Variants in PRUNE2 observed in about 807,000 individuals in gnomAD.
PRUNE2 encodes protein prune homolog 2.
A neutral mutation model predicts 252.0 loss-of-function variants in PRUNE2; 164 were observed. That is an observed-to-expected ratio of 0.65 (90% CI 0.57 to 0.74). The LOEUF (loss-of-function observed/expected upper bound fraction) is 0.74, where lower values mean the gene tolerates loss of function less well. Ranked by LOEUF, PRUNE2 falls within the 30% of genes least tolerant of loss-of-function variation. PRUNE2 has a pLI of 0.00. For synonymous variants in PRUNE2, 1,292 were observed against 1,350.2 expected, an observed-to-expected ratio of 0.96 and a Z score of 0.94; for missense variants, 3,495 against 3,711.0, an observed-to-expected ratio of 0.94 and a Z score of 1.51.
In PRUNE2 at chr9:76,768,897, G is replaced by A. The variant is rs868253214; in HGVS notation, c.756+54735C>T. 4.6e-5 allele frequency among the ~76,000 whole-genome samples: 7 copies of A among 152,000 alleles called. 1 individual carries two copies. The highest frequency in any genetic ancestry group is 1.0e-4 in the Non-Finnish European group (7 of 68,000). ...TTGCATAATTCCTACCACCAAAAACGCTGTACTTTATAAAAAATTTAAATT... is the reference window on the plus strand; with the variant it reads ...TTGCATAATTCCTACCACCAAAAACACTGTACTTTATAAAAAATTTAAATT... On this transcript the variant is annotated intron_variant, in intron 6 of 18. Transcript: ENST00000376718.
intron 12 of PRUNE2, among the ~76,000 whole-genome samples, chr9:76,640,930 T>A (rs1842319804): frequency 6.6e-6 from 1 of 152,238 alleles, no homozygotes; most frequent in Non-Finnish European, 1.5e-5. Context: ...TTCAAGATCA[T>A]GACCACTCAG....
chr9:76,731,324 A>ATATATTTT (rs1332074252), intron 6 of PRUNE2, among the ~76,000 whole-genome samples: 7 of 106,796 alleles, frequency 6.6e-5, no homozygotes, highest in African/African-American at 2.1e-4. Flanking sequence ...ATATATATAT[A>ATATATTTT]TTTTTTTTTT....
At chr9:76,677,662 C>G (rs1316905238) in intron 9 of PRUNE2, among the ~76,000 whole-genome samples, 1 of 152,180 alleles carries the variant, frequency 6.6e-6, no homozygotes, top group Non-Finnish European at 1.5e-5. Flanking sequence ...GTCCATTGTT[C>G]CTCATTTTCC....
At position 76,873,286 on chromosome 9, in the gene PRUNE2, C is replaced by T. The variant is rs115321194; in HGVS notation, c.37-19078G>A. Among the ~76,000 whole-genome samples, 420 of 152,220 alleles carry T rather than the reference C, an allele frequency of 2.8e-3. 3 individuals are homozygous for T. The highest frequency in any genetic ancestry group is 9.6e-3 in the African/African-American group (398 of 41,536). On this transcript the variant is annotated intron_variant, in intron 1 of 18. Coordinates refer to ENST00000376718, the MANE Select transcript of PRUNE2 (RefSeq NM_015225.3). ...TCATAGGTCCACTGAGGATTAATTA[C>T]GCAATTTTTTCCACTTTTGTATATG...
In PRUNE2 at chr9:76,706,044, G is replaced by A. The variant is rs1159668307; in HGVS notation, c.6230C>T (p.Pro2077Leu). The change falls in exon 8 of 19, where the codon CCC becomes CTC. Residue 2077 changes from proline to leucine, a missense_variant. By Grantham distance (98) the Pro-to-Leu change is moderately conservative. Transcript: ENST00000376718. ...CTCACCATCTGCTTTCAAACTGAAG[G>A]GCTTCTTAGCATCTATCCACAAGTC... Reference protein sequence around the residue: ...APDLWIDAKKPFSLKADGENP... With the variant: ...APDLWIDAKKLFSLKADGENP... The A allele has an allele frequency of 1.9e-6, 3 of 1,613,852 alleles. No individual in the cohort carries two copies. Among genetic ancestry groups the A allele is most frequent in the Admixed American group, 3.3e-5 (2 of 60,002 alleles).
At chr9:76,847,521 TTAGTGAGTAGACTAGCTGGTAGAC>T (rs2059733709) in intron 3 of PRUNE2, among the ~76,000 whole-genome samples, 1 of 152,052 alleles carries the variant, frequency 6.6e-6, no homozygotes, top group South Asian at 2.1e-4. Flanking sequence ...CGTCACACAT[TTAGTGAGTAGACTAGCTGGTAGAC>T]TAGTGAGTAG....
chr9:76,867,638 G>A (rs2060924725), intron 1 of PRUNE2, among the ~76,000 whole-genome samples: 1 of 152,050 alleles, frequency 6.6e-6, no homozygotes, highest in African/African-American at 2.4e-5. Flanking sequence ...GCACAATCTC[G>A]GCTCACTGCA....
chr9:76,779,466 T>C (rs1425003599), intron 6 of PRUNE2, among the ~76,000 whole-genome samples: 1 of 152,198 alleles, frequency 6.6e-6, no homozygotes, highest in Non-Finnish European at 1.5e-5. Flanking sequence ...GATGCACTTA[T>C]GAAAAATGGT....
chr9:76,815,885 G>A (rs1233308085), intron 6 of PRUNE2, among the ~76,000 whole-genome samples: 1 of 152,126 alleles, frequency 6.6e-6, no homozygotes, highest in Non-Finnish European at 1.5e-5. Flanking sequence ...ATTCTGCCAG[G>A]TGCGGTGGCT....
chr9:76,644,837 TC>T lies in PRUNE2; in HGVS notation c.8629del (p.Glu2877ArgfsTer20). 1 of 1,613,928 alleles carries T rather than the reference TC, an allele frequency of 6.2e-7. No homozygotes were observed. The highest frequency in any genetic ancestry group is 8.5e-7 in the Non-Finnish European group (1 of 1,179,850). On this transcript the variant is annotated frameshift_variant, in exon 12 of 19. Coordinates refer to ENST00000376718, the MANE Select transcript of PRUNE2 (RefSeq NM_015225.3). LOFTEE classifies it high-confidence loss of function. The part of the protein sequence containing the change: ...IPEYTAEEER[E>X]DNRLWRTVVI... ...CACTGTCCTCCAAAGCCGGTTGTCC[TC>T]CCGTTCCTCTTCGGCCGTATATTCT...
At chr9:76,640,192 G>A (rs1412707775) in intron 12 of PRUNE2, among the ~76,000 whole-genome samples, 2 of 152,184 alleles carry the variant, frequency 1.3e-5, no homozygotes, top group African/African-American at 4.8e-5. Context: ...AGAACCCAAC[G>A]TGTTAGTTTT....
At chr9:76,857,292 A>T (rs912785365) in intron 1 of PRUNE2, among the ~76,000 whole-genome samples, 7 of 152,142 alleles carry the variant, frequency 4.6e-5, no homozygotes, top group Non-Finnish European at 1.0e-4. Context: ...AGCAACTCCA[A>T]TGAAGAATAT....
chr9:76,870,831 T>G (rs2061157549), intron 1 of PRUNE2, among the ~76,000 whole-genome samples: 1 of 152,100 alleles, frequency 6.6e-6, no homozygotes, highest in Admixed American at 6.6e-5. Context: ...TCCCCATAAC[T>G]GAAGACAGAA....
chr9:76,707,038 G>A lies in PRUNE2; in HGVS notation c.5236C>T (p.Pro1746Ser). 6.2e-7 allele frequency: 1 copy of A among 1,613,912 alleles called. No homozygotes were observed. The highest frequency in any genetic ancestry group is 8.5e-7 in the Non-Finnish European group (1 of 1,179,846). ...TTTGACTTATTCTCATTCTCTGCTGGCTCTGAGCTGTCTAGGTAGTCATAA... is the reference window on the plus strand; with the variant it reads ...TTTGACTTATTCTCATTCTCTGCTGACTCTGAGCTGTCTAGGTAGTCATAA... Reference protein sequence around the residue: ...NIYDYLDSSEPAENENKSNPF... With the variant: ...NIYDYLDSSESAENENKSNPF... Residue 1746 changes from proline (P) to serine (S), a missense_variant, in exon 8 of 19, where the codon CCA (proline) becomes TCA (serine). Coordinates refer to ENST00000376718, the MANE Select transcript of PRUNE2 (RefSeq NM_015225.3).
intron 6 of PRUNE2, among the ~76,000 whole-genome samples, chr9:76,794,562 C>T (rs1235500937): frequency 6.7e-6 from 1 of 149,654 alleles, no homozygotes; most frequent in Non-Finnish European, 1.5e-5. Flanking sequence ...TTGCAGTGAG[C>T]CCAGATCGCA....
chr9:76,749,649 T>C (rs1449315964), intron 6 of PRUNE2, among the ~76,000 whole-genome samples: 2 of 152,232 alleles, frequency 1.3e-5, no homozygotes, highest in Non-Finnish European at 2.9e-5. Flanking sequence ...TCCTTTCTCT[T>C]GCTGCAAAAC....
intron 6 of PRUNE2, among the ~76,000 whole-genome samples, chr9:76,790,691 G>A (rs1204464760): frequency 6.6e-6 from 1 of 152,244 alleles, no homozygotes; most frequent in Non-Finnish European, 1.5e-5. Flanking sequence ...TTCACTGGAT[G>A]TGGATGTGTG....
intron 6 of PRUNE2, among the ~76,000 whole-genome samples, chr9:76,774,661 A>T (rs1478790316): frequency 6.6e-6 from 1 of 151,504 alleles, no homozygotes; most frequent in African/African-American, 2.4e-5. Context: ...GTTTCACCAT[A>T]TTGGTCAGGC....
At chr9:76,635,423 A>G (rs1397927743) in intron 15 of PRUNE2, among the ~76,000 whole-genome samples, 1 of 152,196 alleles carries the variant, frequency 6.6e-6, no homozygotes, top group African/African-American at 2.4e-5. Flanking sequence ...AAAAATTCTG[A>G]TAACTTCGTT....
Sources: allele counts gnomAD v4.1 joint callset (sites outside exome capture counted in the v4.1 genomes callset), GRCh38; gene constraint gnomAD v4.1.1; transcripts MANE v1.5; gene names NCBI Gene and HGNC (gene_info 2026-07-23, HGNC 2026-07-21).